NFIA: variants seen among roughly 807,000 people sequenced by gnomAD.
NFIA encodes the protein nuclear factor 1 A-type.
Under a neutral mutation model 62.8 loss-of-function variants are expected in NFIA, and 8 were observed. That is an observed-to-expected ratio of 0.13 (90% CI 0.07 to 0.23). The LOEUF (loss-of-function observed/expected upper bound fraction) is 0.23, where lower values mean the gene tolerates loss of function less well. NFIA is among the 10% of genes least tolerant of loss of function. The pLI, the probability that NFIA is intolerant of heterozygous loss-of-function variation, is 1.00. For missense variants in NFIA, 410 were observed against 642.1 expected (o/e 0.64, Z 3.91); for synonymous variants, 235 against 238.1 (o/e 0.99, Z 0.12).
chr1:61,237,437 T>A (rs888214277), intron 2 of NFIA, among the ~76,000 whole-genome samples: 1 of 152,184 alleles, frequency 6.6e-6, no homozygotes, highest in Non-Finnish European at 1.5e-5. Context: ...AGTTTGACAA[T>A]TGACTGATAA....
At position 61,082,608 on chromosome 1, in the gene NFIA, C is replaced by A; in HGVS notation, c.-184C>A. ...AGCGGCAATAGCGCTGGCTGGCTGG[C>A]TGCAGTTGAGCCGACTTGGAAATGT... On this transcript the variant is annotated 5_prime_UTR_variant, in exon 1 of 11. The change creates a new upstream start codon in the 5' untranslated region. Transcript: ENST00000403491. The A allele has an allele frequency of 1.3e-6, 2 of 1,494,522 alleles. No individual in the cohort carries two copies. The highest frequency in any genetic ancestry group is 1.3e-5 in the South Asian group (1 of 74,258). The allele number at this position is 1,494,522 out of a possible 1,614,324, so 92.6% of individuals were successfully genotyped here. A position where few individuals can be genotyped will look rare whatever the true frequency, so the allele number is the denominator to read the frequency against.
chr1:61,109,815 A>G (rs895027678), intron 2 of NFIA, among the ~76,000 whole-genome samples: 1 of 151,958 alleles, frequency 6.6e-6, no homozygotes, highest in Non-Finnish European at 1.5e-5. Context: ...TTGATCCACA[A>G]AGAGGATTTG....
chr1:61,313,048 G>T (rs1049696032), intron 3 of NFIA, among the ~76,000 whole-genome samples: 1 of 152,126 alleles, frequency 6.6e-6, no homozygotes, highest in Non-Finnish European at 1.5e-5. Flanking sequence ...GCAAAGATAG[G>T]CCAAGTCAAG....
In NFIA at chr1:61,082,686, C is replaced by A; in HGVS notation, c.-106C>A. 6.5e-7 allele frequency: 1 copy of A among 1,539,894 alleles called. No individual in the cohort carries two copies. The highest frequency in any genetic ancestry group is 8.8e-7 in the Non-Finnish European group (1 of 1,140,260). Reference sequence around the variant, plus strand: ...TTTCTCCCCCCTTCTCTCTCTCTCTCTCTCTCTCTCTTCCTCTCTCCCTCT... The same window carrying A: ...TTTCTCCCCCCTTCTCTCTCTCTCTATCTCTCTCTCTTCCTCTCTCCCTCT... On this transcript the variant is annotated 5_prime_UTR_variant, in exon 1 of 11. Coordinates refer to ENST00000403491, the MANE Select transcript of NFIA (RefSeq NM_001134673.4).
intron 3 of NFIA, among the ~76,000 whole-genome samples, chr1:61,299,317 C>T (rs895712884): frequency 2.6e-5 from 4 of 152,120 alleles, no homozygotes; most frequent in Non-Finnish European, 4.4e-5. Flanking sequence ...CTCTTCTGAA[C>T]TTTGAAGACT....
chr1:61,096,705 AC>A (rs1646422111), intron 2 of NFIA, among the ~76,000 whole-genome samples: 1 of 151,418 alleles, frequency 6.6e-6, no homozygotes, highest in Non-Finnish European at 1.5e-5. Flanking sequence ...GGCTCCCACC[AC>A]CACGCCAGGC....
chr1:61,403,760 G>A (rs1314794973), intron 7 of NFIA, among the ~76,000 whole-genome samples: 2 of 152,214 alleles, frequency 1.3e-5, no homozygotes, highest in Admixed American at 1.3e-4. Context: ...TGTCAGTTAA[G>A]TCAGGTCTAA....
rs368139522 is a variant in NFIA at position 61,462,024 on chromosome 1, G to GTTTTTTTTTTTTTTTTTTTTTTGTT, written c.*6722_*6723insTTTTGTTTTTTTTTTTTTTTTTTTT. 1 of 73,206 alleles carries GTTTTTTTTTTTTTTTTTTTTTTGTT rather than the reference G, an allele frequency of 1.4e-5. No homozygotes were observed. The highest frequency in any genetic ancestry group is 6.7e-5 in the African/African-American group (1 of 14,898). The allele number at this position is 73,206 out of a possible 1,614,324, so 4.5% of individuals were successfully genotyped here. On this transcript the variant is annotated 3_prime_UTR_variant, in exon 11 of 11. Coordinates refer to ENST00000403491, the MANE Select transcript of NFIA (RefSeq NM_001134673.4). ...ATAGTCTGTAAGTTAGCCTTTTTGG[G>GTTTTTTTTTTTTTTTTTTTTTTGTT]TTTTTTTTTTTTTTTTTTGGCTTTT...
At chr1:61,290,740 A>T (rs914652037) in intron 3 of NFIA, among the ~76,000 whole-genome samples, 1 of 152,192 alleles carries the variant, frequency 6.6e-6, no homozygotes, top group Non-Finnish European at 1.5e-5. Context: ...CAATATCATG[A>T]AAGGCATGCA....
chr1:61,088,555 C>T lies in NFIA; in HGVS notation c.434C>T (p.Thr145Ile). 1 of 1,614,180 alleles carries T rather than the reference C, an allele frequency of 6.2e-7. No homozygotes were observed. The highest frequency in any genetic ancestry group is 8.5e-7 in the Non-Finnish European group (1 of 1,180,024). The stretch of plus-strand genomic sequence containing the variant: ...TTTAAAGGTATTCCGCTGGAAAGTA[C>T]TGATGGCGAGCGCCTTGTAAAGTCC... ...ILFKGIPLES[T>I]DGERLVKSPQ... Residue 145 changes from threonine to isoleucine, a missense_variant, in exon 2 of 11, where the codon ACT becomes ATT. Thr to Ile is a moderately conservative substitution (Grantham distance 89, BLOSUM62 -1). Coordinates refer to ENST00000403491, the MANE Select transcript of NFIA (RefSeq NM_001134673.4). The surrounding 1 kb of genome is among the most constrained non-coding windows in gnomAD (Gnocchi z 4.5).
chr1:61,284,932 C>G (rs1177525018), intron 3 of NFIA, among the ~76,000 whole-genome samples: 1 of 152,120 alleles, frequency 6.6e-6, no homozygotes, highest in Non-Finnish European at 1.5e-5. Context: ...ATGTAACGTT[C>G]CAAGTAGGAA....
chr1:61,118,484 T>C (rs1646830029), intron 2 of NFIA, among the ~76,000 whole-genome samples: 1 of 152,098 alleles, frequency 6.6e-6, no homozygotes, highest in Admixed American at 6.6e-5. Flanking sequence ...GGAAACAGTA[T>C]GTGGGTACAT....
At chr1:61,248,557 A>G (rs1655800819) in intron 2 of NFIA, among the ~76,000 whole-genome samples, 1 of 152,152 alleles carries the variant, frequency 6.6e-6, no homozygotes, top group South Asian at 2.1e-4. Context: ...GCTGCTTCCT[A>G]TTGTTAAGTT....
At chr1:61,327,699 A>G (rs1251635554) in intron 3 of NFIA, among the ~76,000 whole-genome samples, 1 of 152,068 alleles carries the variant, frequency 6.6e-6, no homozygotes, top group South Asian at 2.1e-4. Flanking sequence ...CATCTTTGCA[A>G]ATGTGATTTG....
rs199957160 is a variant in NFIA, at chr1:61,141,420, G to A, written c.559+52740G>A. 3.3e-5 allele frequency among the ~76,000 whole-genome samples: 5 copies of A among 151,760 alleles called. No homozygotes were observed. The East Asian group carries it at 5.8e-4, about 18-fold the overall frequency. ...TTGACTGGTCCCCTTTACTCAGGGG[G>A]AAAAAAAACCATGTCTTTTAAAGTC... On this transcript the variant is annotated intron_variant, in intron 2 of 10. Transcript: ENST00000403491.
intron 2 of NFIA, among the ~76,000 whole-genome samples, chr1:61,143,770 A>G (rs1435610895): frequency 6.6e-6 from 1 of 152,146 alleles, no homozygotes; most frequent in Non-Finnish European, 1.5e-5. Context: ...TATCGAGTCT[A>G]TATTCAGCAA....
intron 6 of NFIA, among the ~76,000 whole-genome samples, chr1:61,368,667 A>C (rs1456076792): frequency 6.6e-6 from 1 of 152,266 alleles, no homozygotes; most frequent in East Asian, 1.9e-4. Context: ...AGTATCGTGC[A>C]GGGCACTATA....
chr1:61,130,790 A>G (rs1209593073), intron 2 of NFIA, among the ~76,000 whole-genome samples: 2 of 152,194 alleles, frequency 1.3e-5, no homozygotes, highest in Non-Finnish European at 2.9e-5. Flanking sequence ...TTTTATGTGG[A>G]CCAAGGTCAG....
chr1:61,141,997 C>T lies in NFIA; in HGVS notation c.559+53317C>T, dbSNP rs908913459. ...TCTGTTACTATGTTCTCCTAAAATG[C>T]AGCTGGCCAAAGGTGCTAATTGGTA... is the stretch of plus-strand genomic sequence containing the variant. On this transcript the variant is annotated intron_variant, in intron 2 of 10. Coordinates refer to ENST00000403491, the MANE Select transcript of NFIA (RefSeq NM_001134673.4). Among the ~76,000 whole-genome samples the T allele has an allele frequency of 5.3e-5, 8 of 152,036 alleles. No homozygotes were observed. The East Asian group carries it at 7.7e-4, about 15-fold the overall frequency.
Sources: allele counts gnomAD v4.1 joint callset (sites outside exome capture counted in the v4.1 genomes callset), GRCh38; gene constraint gnomAD v4.1.1; non-coding constraint Gnocchi (gnomAD v3.1); transcripts MANE v1.5; gene names NCBI Gene and HGNC (gene_info 2026-07-23, HGNC 2026-07-21).